S100Z: variants seen among roughly 807,000 people sequenced by gnomAD.
S100Z encodes the protein S100 calcium binding protein Z.
A neutral mutation model predicts 8.5 loss-of-function variants in S100Z; 11 were observed. The observed-to-expected ratio is 1.30, with a 90% CI of 0.82 to 2.15. The LOEUF (loss-of-function observed/expected upper bound fraction) is 2.15, where lower values mean the gene tolerates loss of function less well. Among genes scored for constraint, S100Z ranks in the 30% most tolerant of loss-of-function variants. The pLI, the probability that S100Z is intolerant of heterozygous loss-of-function variation, is 0.00. For missense variants in S100Z, 126 were observed against 117.9 expected (o/e 1.07, Z -0.32); for synonymous variants, 34 against 43.8 (o/e 0.78, Z 0.89).
At chr5:76,930,259 T>G in the S100Z span, among the ~76,000 whole-genome samples, 1 of 152,232 alleles carries the variant, frequency 6.6e-6, no homozygotes, top group Non-Finnish European at 1.5e-5. Flanking sequence ...TGACAGCATC[T>G]CCAGAGAAAT....
chr5:76,893,328 G>A (rs1221493116), intron 4 of S100Z, among the ~76,000 whole-genome samples: 1 of 152,070 alleles, frequency 6.6e-6, no homozygotes. Flanking sequence ...GGTCTGTGAT[G>A]GGGTAGAAAG....
At chr5:76,899,867 C>T (rs890039763) in intron 4 of S100Z, among the ~76,000 whole-genome samples, 5 of 152,112 alleles carry the variant, frequency 3.3e-5, no homozygotes, top group African/African-American at 9.7e-5. Context: ...TTATTTATTG[C>T]TCATTATTGT....
chr5:76,850,359 G>GGA (rs1353814855), intron 1 of S100Z, among the ~76,000 whole-genome samples: 62 of 145,800 alleles, frequency 4.3e-4, no homozygotes, highest in African/African-American at 1.5e-3. Context: ...AGAGAGAGAG[G>GGA]GAGAGAGCAG....
At position 76,916,737 on chromosome 5, in the gene S100Z, TA is replaced by T. The variant is rs548540949; in HGVS notation, c.*3-3975del. Among the ~76,000 whole-genome samples, 4 of 152,132 alleles carry T rather than the reference TA, an allele frequency of 2.6e-5. No homozygotes were observed. The South Asian group carries it at 8.3e-4, about 32-fold the overall frequency. ...AAAATTAAAAACACATTCAACTAAA[TA>T]AAAATGTAAAGACGATATATCAAAA... is the stretch of plus-strand genomic sequence containing the variant. On this transcript the variant is annotated intron_variant, in intron 4 of 4. Transcript: ENST00000317593.
At chr5:76,901,369 G>C (rs559938634) in intron 4 of S100Z, among the ~76,000 whole-genome samples, 1 of 152,322 alleles carries the variant, frequency 6.6e-6, no homozygotes, top group African/African-American at 2.4e-5. Context: ...AGGAGTCAGG[G>C]ACTAGAGTAA....
intron 1 of S100Z, among the ~76,000 whole-genome samples, chr5:76,852,265 T>A (rs1750752786): frequency 6.6e-6 from 1 of 152,088 alleles, no homozygotes; most frequent in African/African-American, 2.4e-5. Flanking sequence ...CACCCTTCTA[T>A]CAAATGTAAT....
At chr5:76,867,596 CTTTTTTTTTTTT>C (rs746426436) in intron 1 of S100Z, among the ~76,000 whole-genome samples, 2 of 126,778 alleles carry the variant, frequency 1.6e-5, no homozygotes, top group Non-Finnish European at 3.4e-5. Context: ...TTTTTTTTTT[CTTTTTTTTTTTT>C]TGAGGTGGGG....
the S100Z span, among the ~76,000 whole-genome samples, chr5:76,946,848 C>A: frequency 1.3e-5 from 2 of 152,100 alleles, no homozygotes; most frequent in African/African-American, 4.8e-5. Context: ...GACATTGAAT[C>A]GAGGTGGGCC....
At chr5:76,942,013 T>C in the S100Z span, among the ~76,000 whole-genome samples, 4 of 152,358 alleles carry the variant, frequency 2.6e-5, no homozygotes, top group South Asian at 4.2e-4. Flanking sequence ...CAGTTGGTTC[T>C]GGATGTTTAC....
intron 4 of S100Z, among the ~76,000 whole-genome samples, chr5:76,901,245 A>C (rs557766615): frequency 2.1e-3 from 319 of 152,214 alleles, no homozygotes; most frequent in African/African-American, 7.3e-3. Context: ...GCCTATGTTC[A>C]CTCAAGGCCC....
In S100Z at chr5:76,889,507, T is replaced by C. The variant is rs149454676; in HGVS notation, c.*2+11673T>C. On this transcript the variant is annotated intron_variant, in intron 4 of 4. Transcript: ENST00000317593. The stretch of plus-strand genomic sequence containing the variant: ...ACTGCAAAGTTTACATATTCTAAAG[T>C]GAGTCACTAAAACATGAAAAGTAAA... Among the ~76,000 whole-genome samples, 77 of 152,338 alleles carry C rather than the reference T, an allele frequency of 5.1e-4. 1 individual carries two copies. In the East Asian group the frequency reaches 0.014, roughly 29 times the overall value.
intron 4 of S100Z, among the ~76,000 whole-genome samples, chr5:76,880,294 TG>T: frequency 6.6e-6 from 1 of 152,220 alleles, no homozygotes; most frequent in Non-Finnish European, 1.5e-5. Flanking sequence ...GCAGGTCACA[TG>T]GGATATGATG....
chr5:76,909,983 G>A (rs1429759036), intron 4 of S100Z, among the ~76,000 whole-genome samples: 5 of 152,120 alleles, frequency 3.3e-5, no homozygotes, highest in Non-Finnish European at 5.9e-5. Flanking sequence ...CCAAAGAAAG[G>A]GACAAATTCC....
intron 4 of S100Z, among the ~76,000 whole-genome samples, chr5:76,891,576 A>G (rs1743859104): frequency 6.6e-6 from 1 of 152,118 alleles, no homozygotes; most frequent in Admixed American, 6.5e-5. Context: ...CTGCATTCCT[A>G]ACAAACTCCC....
chr5:76,941,023 C>A, the S100Z span, among the ~76,000 whole-genome samples: 1 of 152,016 alleles, frequency 6.6e-6, no homozygotes, highest in Admixed American at 6.6e-5. Context: ...TCTGGAGAAC[C>A]CTGACTAATA....
At chr5:76,907,289 A>T (rs768890999) in intron 4 of S100Z, among the ~76,000 whole-genome samples, 1 of 151,636 alleles carries the variant, frequency 6.6e-6, no homozygotes, top group Non-Finnish European at 1.5e-5. Flanking sequence ...AGTCTTGATG[A>T]CTATTGCTTT....
intron 4 of S100Z, among the ~76,000 whole-genome samples, chr5:76,898,737 C>G (rs974138178): frequency 4.6e-5 from 7 of 152,020 alleles, no homozygotes; most frequent in Non-Finnish European, 1.0e-4. Flanking sequence ...CAGTATTCAT[C>G]AAAGATATTG....
At chr5:76,881,122 GA>G (rs1743389307) in intron 4 of S100Z, among the ~76,000 whole-genome samples, 1 of 152,194 alleles carries the variant, frequency 6.6e-6, no homozygotes, top group African/African-American at 2.4e-5. Context: ...TGTCACTGAA[GA>G]ACTTCTATCC....
the S100Z span, chr5:76,948,727 T>G: frequency 6.6e-6 from 1 of 152,214 alleles, no homozygotes; most frequent in Non-Finnish European, 1.5e-5. Context: ...TTAGAGGGAA[T>G]GGCAATTAGC....
Sources: allele counts gnomAD v4.1 joint callset (sites outside exome capture counted in the v4.1 genomes callset), GRCh38; gene constraint gnomAD v4.1.1; transcripts MANE v1.5; gene names NCBI Gene and HGNC (gene_info 2026-07-23, HGNC 2026-07-21).